EP300: variants seen among roughly 807,000 people sequenced by gnomAD.
The protein encoded by EP300 is histone acetyltransferase p300.
In EP300, 31 loss-of-function variants were observed where a neutral mutation model predicts 264.0. The observed-to-expected ratio is 0.12, with a 90% CI of 0.09 to 0.16. The LOEUF is 0.16. EP300 is among the 10% of genes least tolerant of loss of function. The probability of loss-of-function intolerance (pLI) is 1.00; values close to 1 mark genes in which losing one functional copy is unlikely to be tolerated. For synonymous variants in EP300, 1,340 were observed against 1,045.4 expected (o/e 1.28, Z -5.44); for missense variants, 2,766 against 3,052.9 (o/e 0.91, Z 2.21).
Position 41,179,409 on chromosome 22 carries a change from G to C in EP300, c.*453G>C, listed in dbSNP as rs999139483. The C allele has an allele frequency of 5.2e-6, 1 of 192,576 alleles. No individual in the cohort carries two copies. Among genetic ancestry groups the C allele is most frequent in the Non-Finnish European group, 1.1e-5 (1 of 93,810 alleles). The allele number at this position is 192,576 out of a possible 1,614,324, so 11.9% of individuals were successfully genotyped here. A position where few individuals can be genotyped will look rare whatever the true frequency, so the allele number is the denominator to read the frequency against. On this transcript the variant is annotated 3_prime_UTR_variant, in exon 31 of 31. Coordinates refer to ENST00000263253, the MANE Select transcript of EP300 (RefSeq NM_001429.4). ...GAGTTAAAACATTTCTAAACCAGAG[G>C]ACAAAAGGGGTTAATGTTACTTTAA...
Position 41,135,806 on chromosome 22 carries a change from G to T in EP300, c.1529-7G>T. Reference sequence around the variant, plus strand: ...TTTCTGTCTCCTGTTATTTCATTTTGACTTAGGTGCTAGTCCTATGGGAGT... The same window carrying T: ...TTTCTGTCTCCTGTTATTTCATTTTTACTTAGGTGCTAGTCCTATGGGAGT... On this transcript the variant is annotated splice_polypyrimidine_tract_variant and splice_region_variant and intron_variant, in intron 6 of 30. Transcript: ENST00000263253. 6.2e-7 allele frequency: 1 copy of T among 1,601,202 alleles called. No homozygotes were observed. The highest frequency in any genetic ancestry group is 1.1e-5 in the South Asian group (1 of 90,756).
chr22:41,097,984 G>A (rs6002259), intron 1 of EP300, among the ~76,000 whole-genome samples: 40,429 of 149,812 alleles, frequency 0.27, 6,367 homozygotes, highest in East Asian at 0.54. Context: ...GTGAGCCACC[G>A]CGCCCAGCTA....
chr22:41,093,618 A>G (rs974446617), intron 1 of EP300, among the ~76,000 whole-genome samples: 19 of 152,178 alleles, frequency 1.2e-4, no homozygotes, highest in African/African-American at 4.6e-4. Flanking sequence ...TTCAGGTTAG[A>G]GGTGAAGTTT....
intron 17 of EP300, 49 bp downstream of exon 17, chr22:41,155,162 C>T (rs768268429): frequency 1.6e-6 from 2 of 1,260,736 alleles, no homozygotes; most frequent in East Asian, 2.3e-5. Flanking sequence ...TTGATAACAG[C>T]TTTATTGAGA....
chr22:41,095,602 T>C (rs991222103), intron 1 of EP300, among the ~76,000 whole-genome samples: 16 of 152,236 alleles, frequency 1.1e-4, no homozygotes, highest in African/African-American at 3.9e-4. Context: ...TAACTTTTAT[T>C]GGAGGCACAT....
In EP300 at chr22:41,178,071, T is replaced by C. The variant is rs2145520384; in HGVS notation, c.6360T>C (p.Gly2120=). The C allele has an allele frequency of 6.2e-7, 1 of 1,614,020 alleles. No homozygotes were observed. Among genetic ancestry groups the C allele is most frequent in the Middle Eastern group, 1.6e-4 (1 of 6,062 alleles). ...GGCTACAGCCACCTACCATGCCAGG[T>C]CAGCAGGGGGTCCACTCCAATCCAG... is the stretch of plus-strand genomic sequence containing the variant. ...QPGLQPPTMP[G]QQGVHSNPAM... The change falls in exon 31 of 31, where the codon GGT becomes GGC. Residue 2120 remains glycine, a synonymous_variant. Transcript: ENST00000263253.
In EP300 at chr22:41,166,629, T is replaced by A. The variant is rs1314655636; in HGVS notation, c.3837T>A (p.Ser1279Arg). The A allele has an allele frequency of 4.3e-6, 7 of 1,612,960 alleles. No homozygotes were observed. Among genetic ancestry groups the A allele is most frequent in the Non-Finnish European group, 5.9e-6 (7 of 1,179,590 alleles). The change falls in exon 23 of 31, where the codon AGT becomes AGA. Residue 1279 changes from serine (S) to arginine (R), a missense_variant. Ser to Arg is a moderately radical substitution (Grantham distance 110). Coordinates refer to ENST00000263253, the MANE Select transcript of EP300 (RefSeq NM_001429.4). ...GFVCDGCLKK[S>R]ARTRKENKFS... The stretch of plus-strand genomic sequence containing the variant: ...TCTGTGATGGCTGTTTAAAGAAAAG[T>A]GCACGAACTAGGAAAGAAAATAAGT...
chr22:41,111,915 TCTCA>T (rs1317266451), intron 1 of EP300, among the ~76,000 whole-genome samples: 2 of 107,412 alleles, frequency 1.9e-5, no homozygotes, highest in Non-Finnish European at 3.5e-5. Flanking sequence ...TGAGACAGAG[TCTCA>T]CTCTGTCGCC....
In EP300 at chr22:41,178,103, A is replaced by G; in HGVS notation, c.6392A>G (p.Gln2131Arg). 6.2e-7 allele frequency: 1 copy of G among 1,614,114 alleles called. No homozygotes were observed. The highest frequency in any genetic ancestry group is 1.1e-5 in the South Asian group (1 of 91,082). Residue 2131 changes from glutamine to arginine, a missense_variant, in exon 31 of 31, where the codon CAG (glutamine) becomes CGG (arginine). Physicochemically the swap from Gln to Arg is conservative, Grantham distance 43 (BLOSUM62 1). Coordinates refer to ENST00000263253, the MANE Select transcript of EP300 (RefSeq NM_001429.4). ...GGGGTCCACTCCAATCCAGCCATGC[A>G]GAACATGAATCCAATGCAGGCGGGC... The part of the protein sequence containing the change: ...QQGVHSNPAM[Q>R]NMNPMQAGVQ...
chr22:41,165,879 C>T (rs2059131241), intron 22 of EP300, among the ~76,000 whole-genome samples: 1 of 151,952 alleles, frequency 6.6e-6, no homozygotes, highest in Non-Finnish European at 1.5e-5. Context: ...AGGCAATTCT[C>T]CTGCCTCAGC....
At chr22:41,159,472 G>A (rs900964438) in intron 19 of EP300, 1 of 152,172 alleles carries the variant, frequency 6.6e-6, no homozygotes, top group Non-Finnish European at 1.5e-5. Flanking sequence ...GACTCAAGTT[G>A]TTATAAGTAC....
At chr22:41,131,751 T>C in intron 6 of EP300, 118 bp downstream of exon 6, 1 of 1,491,402 alleles carries the variant, frequency 6.7e-7, no homozygotes, top group South Asian at 1.2e-5. Context: ...AAGTAATTTT[T>C]TAAAGATTAC....
intron 1 of EP300, among the ~76,000 whole-genome samples, chr22:41,105,696 G>A (rs1441790996): frequency 2.0e-5 from 3 of 152,116 alleles, no homozygotes; most frequent in Non-Finnish European, 4.4e-5. Flanking sequence ...CACCCCTGGC[G>A]TGTTGGGGTT....
chr22:41,134,163 CTT>C (rs11362436), intron 6 of EP300, among the ~76,000 whole-genome samples: 60 of 105,578 alleles, frequency 5.7e-4, no homozygotes, highest in Admixed American at 9.0e-4. Context: ...TCATTCTTTT[CTT>C]TTTTTTTTTT....
chr22:41,126,729 CTTTTTTTTTTTTTTTTTTTTTT>C (rs71328775), intron 3 of EP300, among the ~76,000 whole-genome samples: 3 of 48,792 alleles, frequency 6.1e-5, no homozygotes, highest in Non-Finnish European at 1.0e-4. Flanking sequence ...GAAATGTTCA[CTTTTTTTTTTTTTTTTTTTTTT>C]TTTTTTTTTT....
intron 6 of EP300, among the ~76,000 whole-genome samples, chr22:41,134,181 T>C (rs952109056): frequency 2.2e-5 from 3 of 139,238 alleles, no homozygotes; most frequent in Admixed American, 7.3e-5. Flanking sequence ...TTTTTTTTTT[T>C]CTGATTTCAT....
rs200466416 is a variant in EP300 at position 41,140,270 on chromosome 22, T to C, written c.1878+13T>C. 6.8e-5 allele frequency: 105 copies of C among 1,535,780 alleles called. No individual in the cohort carries two copies. Among genetic ancestry groups the C allele is most frequent in the Non-Finnish European group, 6.0e-5 (66 of 1,108,632 alleles). ...TGCAAACAATCGAGTGAGTGTCTGG[T>C]TTTTTTCTATTAATAGCCAAGATTG... On this transcript the variant is annotated intron_variant, in intron 9 of 30. Coordinates refer to ENST00000263253, the MANE Select transcript of EP300 (RefSeq NM_001429.4).
chr22:41,120,268 T>C (rs948007381), intron 2 of EP300, among the ~76,000 whole-genome samples: 8 of 152,164 alleles, frequency 5.3e-5, no homozygotes. Context: ...GGTTCACACC[T>C]AGAATCATTC....
At chr22:41,095,941 C>G (rs994629918) in intron 1 of EP300, among the ~76,000 whole-genome samples, 2 of 152,122 alleles carry the variant, frequency 1.3e-5, no homozygotes, top group Non-Finnish European at 2.9e-5. Context: ...GTTTAATACT[C>G]AGATATTCTC....
Sources: allele counts gnomAD v4.1 joint callset (sites outside exome capture counted in the v4.1 genomes callset), GRCh38; gene constraint gnomAD v4.1.1; transcripts MANE v1.5; gene names NCBI Gene and HGNC (gene_info 2026-07-23, HGNC 2026-07-21).